Variants in ATP6V1C2 observed in about 807,000 individuals in gnomAD.
ATP6V1C2 encodes the protein V-type proton ATPase subunit C 2.
Under a neutral mutation model 56.8 loss-of-function variants are expected in ATP6V1C2, and 45 were observed. The observed-to-expected ratio is 0.79, with a 90% CI of 0.62 to 1.02. ATP6V1C2 has a LOEUF of 1.02. Among genes scored for constraint, ATP6V1C2 ranks in the 50% least tolerant of loss-of-function variants. The pLI is 0.00. For missense variants in ATP6V1C2, 463 were observed against 519.7 expected (o/e 0.89, Z 1.06); for synonymous variants, 220 against 201.3 (o/e 1.09, Z -0.79).
At chr2:10,739,954 TC>T (rs1445258663) in intron 3 of ATP6V1C2, among the ~76,000 whole-genome samples, 3 of 78,032 alleles carry the variant, frequency 3.8e-5, no homozygotes, top group African/African-American at 9.6e-5. Context: ...ACAAAAAAAT[TC>T]GCTGGGCTTG....
chr2:10,742,179 G>A (rs1275881521), intron 3 of ATP6V1C2, among the ~76,000 whole-genome samples: 1 of 152,094 alleles, frequency 6.6e-6, no homozygotes. Flanking sequence ...CAAAGTGCTG[G>A]GATTATAGGC....
intron 3 of ATP6V1C2, among the ~76,000 whole-genome samples, chr2:10,742,147 C>G (rs1044958550): frequency 6.6e-6 from 1 of 152,132 alleles, no homozygotes; most frequent in Admixed American, 6.6e-5. Flanking sequence ...TGACCTCAGG[C>G]GATCTGCCCA....
At chr2:10,734,410 T>C (rs1400465037) in intron 3 of ATP6V1C2, among the ~76,000 whole-genome samples, 1 of 152,166 alleles carries the variant, frequency 6.6e-6, no homozygotes, top group Admixed American at 6.5e-5. Context: ...TCTTGTGGGA[T>C]TATTTGGTCA....
chr2:10,784,869 G>T lies in ATP6V1C2; in HGVS notation c.*1606G>T. The T allele has an allele frequency of 8.4e-7, 1 of 1,191,188 alleles. No homozygotes were observed. Among genetic ancestry groups the T allele is most frequent in the Non-Finnish European group, 1.2e-6 (1 of 818,788 alleles). The allele number at this position is 1,191,188 out of a possible 1,614,324, so 73.8% of individuals were successfully genotyped here. A position where few individuals can be genotyped will look rare whatever the true frequency, so the allele number is the denominator to read the frequency against. On this transcript the variant is annotated 3_prime_UTR_variant, in exon 14 of 14. Coordinates refer to ENST00000272238, the MANE Select transcript of ATP6V1C2 (RefSeq NM_001039362.2). The stretch of plus-strand genomic sequence containing the variant: ...GGAAGGACTTGACTCCAGGTGCAGA[G>T]ATGCACAGGCTCAAGAGAGTAAACC...
At position 10,760,229 on chromosome 2, in the gene ATP6V1C2, G is replaced by A. The variant is rs975947675; in HGVS notation, c.284-4102G>A. Reference sequence around the variant, plus strand: ...CTCTAAAAATACAAAAAATGGCTGGGTGTGATGGCGTGTGCCTGTAATCCC... The same window carrying A: ...CTCTAAAAATACAAAAAATGGCTGGATGTGATGGCGTGTGCCTGTAATCCC... On this transcript the variant is annotated intron_variant, in intron 4 of 13. Coordinates refer to ENST00000272238, the MANE Select transcript of ATP6V1C2 (RefSeq NM_001039362.2). Among the ~76,000 whole-genome samples, 6 of 152,076 alleles carry A rather than the reference G, an allele frequency of 3.9e-5. 1 individual carries two copies. The highest frequency in any genetic ancestry group is 3.3e-4 in the Admixed American group (5 of 15,264).
At chr2:10,760,030 G>GTT (rs34096158) in intron 4 of ATP6V1C2, among the ~76,000 whole-genome samples, 4,556 of 133,650 alleles carry the variant, frequency 0.034, 124 homozygotes, top group East Asian at 0.13. Flanking sequence ...TTTGTTTTTT[G>GTT]TTTTTTTTTT....
intron 8 of ATP6V1C2, 122 bp downstream of exon 8, chr2:10,772,732 T>C (rs1572603925): frequency 2.4e-6 from 2 of 837,702 alleles, no homozygotes; most frequent in Non-Finnish European, 4.1e-6. Flanking sequence ...ACCTGGGCCC[T>C]CTCCTGTCCC....
Position 10,760,037 on chromosome 2 carries a change from T to G in ATP6V1C2, c.284-4294T>G, listed in dbSNP as rs552767500. ...AGCAGTTTTTTGTTTTTTGTTTTTTTTTTTTTTGCTTTTTGAAAAAAAATA... is the reference window on the plus strand; with the variant it reads ...AGCAGTTTTTTGTTTTTTGTTTTTTGTTTTTTTGCTTTTTGAAAAAAAATA... On this transcript the variant is annotated intron_variant, in intron 4 of 13. Transcript: ENST00000272238. Among the ~76,000 whole-genome samples, 196 of 149,434 alleles carry G rather than the reference T, an allele frequency of 1.3e-3. 3 individuals carry two copies. Among genetic ancestry groups the G allele is most frequent in the African/African-American group, 4.6e-3 (190 of 41,070 alleles).
At position 10,754,078 on chromosome 2, in the gene ATP6V1C2, G is replaced by A. The variant is rs753822304; in HGVS notation, c.283+12G>A. The A allele has an allele frequency of 3.1e-5, 49 of 1,587,968 alleles. 2 individuals carry two copies. Among genetic ancestry groups the A allele is most frequent in the Non-Finnish European group, 3.8e-5 (44 of 1,165,190 alleles). The stretch of plus-strand genomic sequence containing the variant: ...CCTGGCAAACGGAGGTAGGTAGGGC[G>A]GCCCTCTGATGTGGAGCACAATCTC... On this transcript the variant is annotated intron_variant, in intron 4 of 13. Transcript: ENST00000272238.
intron 12 of ATP6V1C2, among the ~76,000 whole-genome samples, chr2:10,782,039 G>A (rs1665392216): frequency 6.6e-6 from 1 of 152,058 alleles, no homozygotes. Flanking sequence ...TTGAAAACTA[G>A]CTATCAGAAG....
At chr2:10,746,013 A>G (rs752664276) in intron 3 of ATP6V1C2, among the ~76,000 whole-genome samples, 19 of 152,104 alleles carry the variant, frequency 1.2e-4, no homozygotes, top group Non-Finnish European at 2.5e-4. Flanking sequence ...TCAGCTATTG[A>G]TGGATGCTTG....
chr2:10,743,654 G>C (rs1662684240), intron 3 of ATP6V1C2, among the ~76,000 whole-genome samples: 1 of 151,358 alleles, frequency 6.6e-6, no homozygotes, highest in African/African-American at 2.4e-5. Context: ...AACTAGCTTA[G>C]GCACCATAGG....
chr2:10,755,584 A>G (rs1663503885), intron 4 of ATP6V1C2, among the ~76,000 whole-genome samples: 1 of 151,924 alleles, frequency 6.6e-6, no homozygotes, highest in South Asian at 2.1e-4. Context: ...CAGCTGGTGA[A>G]CTCCTCAGAG....
intron 4 of ATP6V1C2, among the ~76,000 whole-genome samples, chr2:10,761,959 AG>A (rs1663936503): frequency 6.6e-6 from 1 of 152,240 alleles, no homozygotes; most frequent in African/African-American, 2.4e-5. Context: ...ACCTGCAGCA[AG>A]GCTGTGTCCA....
chr2:10,724,929 G>A (rs1012288170), intron 2 of ATP6V1C2, among the ~76,000 whole-genome samples: 5 of 152,028 alleles, frequency 3.3e-5, no homozygotes, highest in African/African-American at 1.2e-4. Flanking sequence ...GATTACAGGT[G>A]TGAGCCACTG....
chr2:10,772,675 C>G, intron 8 of ATP6V1C2, 65 bp downstream of exon 8: 1 of 1,411,904 alleles, frequency 7.1e-7, no homozygotes, highest in Non-Finnish European at 1.0e-6. Context: ...TCAGGGCACC[C>G]AACCACCAAA....
At chr2:10,754,166 A>T in intron 4 of ATP6V1C2, 100 bp downstream of exon 4, 1 of 932,886 alleles carries the variant, frequency 1.1e-6, no homozygotes, top group African/African-American at 1.7e-5. Context: ...GAGATGGCCC[A>T]GGTCTCAGTG....
In ATP6V1C2 at chr2:10,757,817, A is replaced by T. The variant is rs115269191; in HGVS notation, c.283+3751A>T. On this transcript the variant is annotated intron_variant, in intron 4 of 13. Coordinates refer to ENST00000272238, the MANE Select transcript of ATP6V1C2 (RefSeq NM_001039362.2). ...CCTGCTCTTTGAGCCCGTCTGTTTT[A>T]TGGACACTGGAACCTTAAACTCCAG... Among the ~76,000 whole-genome samples the T allele has an allele frequency of 4.8e-3, 724 of 152,250 alleles. 9 individuals are homozygous for T. Among genetic ancestry groups the T allele is most frequent in the African/African-American group, 0.017 (694 of 41,524 alleles).
intron 7 of ATP6V1C2, 138 bp from the exon 8 acceptor site, chr2:10,772,404 G>C (rs907733816): frequency 1.3e-6 from 1 of 758,672 alleles, no homozygotes; most frequent in Non-Finnish European, 2.4e-6. Context: ...AGACCTCAGG[G>C]GAGGTGAGGG....
Sources: allele counts gnomAD v4.1 joint callset (sites outside exome capture counted in the v4.1 genomes callset), GRCh38; gene constraint gnomAD v4.1.1; transcripts MANE v1.5; gene names NCBI Gene and HGNC (gene_info 2026-07-23, HGNC 2026-07-21).